Variants in MIR2052HG observed in about 807,000 individuals in gnomAD.
MIR2052HG encodes the protein MIR2052 host gene.
chr8:74,705,831 C>T (rs796252504), intron 4 of MIR2052HG: 7 of 168,208 alleles, frequency 4.2e-5, no homozygotes, highest in Middle Eastern at 5.2e-4. Flanking sequence ...AATATATTTA[C>T]GATAAAACTA....
At chr8:74,628,207 A>T (rs1287447994) in intron 2 of MIR2052HG, among the ~76,000 whole-genome samples, 1 of 152,220 alleles carries the variant, frequency 6.6e-6, no homozygotes, top group African/African-American at 2.4e-5. Flanking sequence ...AGATGAGGGA[A>T]GCATAATACC....
At chr8:74,733,543 C>T (rs1425463045) in intron 4 of MIR2052HG, among the ~76,000 whole-genome samples, 14 of 146,798 alleles carry the variant, frequency 9.5e-5, no homozygotes, top group African/African-American at 2.5e-4. Context: ...AATAAACATA[C>T]GTGTGCATGT....
chr8:74,706,253 A>G (rs996022911), intron 4 of MIR2052HG, among the ~76,000 whole-genome samples: 8 of 152,114 alleles, frequency 5.3e-5, no homozygotes, highest in Non-Finnish European at 1.2e-4. Flanking sequence ...ATAAACACAG[A>G]CTTGAGTAGT....
chr8:74,699,676 T>C (rs1809338752), intron 2 of MIR2052HG, among the ~76,000 whole-genome samples: 1 of 151,952 alleles, frequency 6.6e-6, no homozygotes, highest in South Asian at 2.1e-4. Flanking sequence ...GACGACATAT[T>C]GGGTACAGTG....
chr8:74,604,546 G>T (rs2128730543), intron 1 of MIR2052HG, among the ~76,000 whole-genome samples: 1 of 141,656 alleles, frequency 7.1e-6, no homozygotes, highest in Admixed American at 7.0e-5. Context: ...GCAGACTGCG[G>T]CTGCTCAAGC....
chr8:74,600,027 A>T (rs975750359), intron 1 of MIR2052HG: 1 of 153,122 alleles, frequency 6.5e-6, no homozygotes, highest in African/African-American at 2.4e-5. Flanking sequence ...TGACTCGGAA[A>T]GGGAACTCCC....
At chr8:74,694,485 C>G (rs1809275671) in intron 2 of MIR2052HG, among the ~76,000 whole-genome samples, 1 of 152,126 alleles carries the variant, frequency 6.6e-6, no homozygotes, top group African/African-American at 2.4e-5. Flanking sequence ...CATAGCTCAC[C>G]AGCAATGGAT....
intron 1 of MIR2052HG, chr8:74,603,347 C>A: frequency 6.2e-7 from 1 of 1,610,614 alleles, no homozygotes; most frequent in Non-Finnish European, 8.5e-7. Context: ...AGATATTGAG[C>A]CAGGCTAATG....
intron 1 of MIR2052HG, among the ~76,000 whole-genome samples, chr8:74,610,279 T>C (rs1224459585): frequency 2.0e-5 from 3 of 151,918 alleles, no homozygotes; most frequent in Non-Finnish European, 4.4e-5. Flanking sequence ...TCATATACAA[T>C]AGTGTTCTTA....
chr8:74,643,074 A>C (rs1808656281), intron 2 of MIR2052HG, among the ~76,000 whole-genome samples: 1 of 152,206 alleles, frequency 6.6e-6, no homozygotes, highest in South Asian at 2.1e-4. Context: ...TCAGATAGAC[A>C]CATATGTCTG....
At chr8:74,693,265 C>G (rs1314374561) in intron 2 of MIR2052HG, among the ~76,000 whole-genome samples, 1 of 152,142 alleles carries the variant, frequency 6.6e-6, no homozygotes, top group Non-Finnish European at 1.5e-5. Flanking sequence ...TGGGAAGAGC[C>G]CTGTGGGCAC....
chr8:74,620,074 C>T (rs565205082), intron 2 of MIR2052HG, among the ~76,000 whole-genome samples: 3 of 152,350 alleles, frequency 2.0e-5, no homozygotes, highest in South Asian at 4.1e-4. Flanking sequence ...AGGCCCTGTG[C>T]GAGTCTGAAA....
intron 2 of MIR2052HG, among the ~76,000 whole-genome samples, chr8:74,626,860 C>A (rs771812513): frequency 6.6e-6 from 1 of 152,190 alleles, no homozygotes; most frequent in Non-Finnish European, 1.5e-5. Context: ...AAATGCAGAC[C>A]AGATTATAAC....
chr8:74,703,898 C>T (rs865786158), intron 4 of MIR2052HG, among the ~76,000 whole-genome samples: 6 of 151,932 alleles, frequency 3.9e-5, no homozygotes, highest in East Asian at 1.9e-4. Flanking sequence ...TGATAAGCAC[C>T]GGTGCTACCA....
At position 74,722,208 on chromosome 8, in the gene MIR2052HG, C is replaced by T. The variant is rs1809585009; in HGVS notation, n.371+18526C>T. ...CCACCCCCTCAAAAAAATCAAGGCTCTATGTTTATGAAAGAAAGAGGAAGA... is the reference window on the plus strand; with the variant it reads ...CCACCCCCTCAAAAAAATCAAGGCTTTATGTTTATGAAAGAAAGAGGAAGA... On this transcript the variant is annotated intron_variant and non_coding_transcript_variant, in intron 4 of 6. Coordinates refer to ENST00000523442, the Ensembl canonical transcript of MIR2052HG. Among the ~76,000 whole-genome samples, 4 of 152,042 alleles carry T rather than the reference C, an allele frequency of 2.6e-5. 1 individual carries two copies. The highest frequency in any genetic ancestry group is 2.6e-4 in the Admixed American group (4 of 15,266).
intron 4 of MIR2052HG, among the ~76,000 whole-genome samples, chr8:74,728,630 AC>A (rs1809659602): frequency 6.6e-6 from 1 of 152,180 alleles, no homozygotes; most frequent in African/African-American, 2.4e-5. Flanking sequence ...AATTGGGTGC[AC>A]CTGACCTATT....
intron 2 of MIR2052HG, among the ~76,000 whole-genome samples, chr8:74,618,200 C>A (rs552965651): frequency 6.6e-6 from 1 of 152,228 alleles, no homozygotes; most frequent in African/African-American, 2.4e-5. Flanking sequence ...GATCAGCAGG[C>A]ACTCTTTGAC....
At chr8:74,705,757 C>T (rs1353126638) in intron 4 of MIR2052HG, 1 of 170,056 alleles carries the variant, frequency 5.9e-6, no homozygotes, top group Non-Finnish European at 1.5e-5. Flanking sequence ...AGTTGCAGTC[C>T]ATAGCAGACT....
At chr8:74,734,185 G>GCTTGCCC (rs113085844) in intron 4 of MIR2052HG, among the ~76,000 whole-genome samples, 98,332 of 151,326 alleles carry the variant, frequency 0.65, 33,545 homozygotes, top group African/African-American at 0.87. Context: ...ATGGTCAGTG[G>GCTTGCCC]CTTGGGGTTA....
Sources: allele counts gnomAD v4.1 joint callset (sites outside exome capture counted in the v4.1 genomes callset), GRCh38; gene constraint gnomAD v4.1.1; transcripts MANE v1.5; gene names NCBI Gene and HGNC (gene_info 2026-07-23, HGNC 2026-07-21).